GUCY1A2: variants seen among roughly 807,000 people sequenced by gnomAD.
GUCY1A2 encodes guanylate cyclase soluble subunit alpha-2.
Under a neutral mutation model 63.5 loss-of-function variants are expected in GUCY1A2, and 27 were observed. The observed-to-expected ratio is 0.43, with a 90% CI of 0.31 to 0.59. The LOEUF (loss-of-function observed/expected upper bound fraction) is 0.59. GUCY1A2 is among the 20% of genes least tolerant of loss of function. GUCY1A2 has a pLI of 0.11. For synonymous variants in GUCY1A2, 364 were observed against 343.5 expected, an observed-to-expected ratio of 1.06 and a Z score of -0.66; for missense variants, 768 against 913.3, an observed-to-expected ratio of 0.84 and a Z score of 2.05.
Position 106,714,629 on chromosome 11 carries a change from A to T in GUCY1A2, c.1837-5963T>A, listed in dbSNP as rs1322175455. Among the ~76,000 whole-genome samples the T allele has an allele frequency of 2.6e-5, 4 of 152,228 alleles. No homozygotes were observed. The East Asian group carries it at 7.7e-4, about 29-fold the overall frequency. On this transcript the variant is annotated intron_variant, in intron 6 of 7. Transcript: ENST00000526355. ...CAGTAATATTTGCATCCATCTGGCC[A>T]GTATGCTCTAGTTAAAGGAGATTAC...
chr11:106,843,596 A>G (rs549449493), intron 4 of GUCY1A2, among the ~76,000 whole-genome samples: 2 of 151,910 alleles, frequency 1.3e-5, no homozygotes, highest in Non-Finnish European at 2.9e-5. Flanking sequence ...TGGAGGAAAG[A>G]AAGTTTTCTA....
chr11:106,988,765 T>A (rs148961316), intron 1 of GUCY1A2, among the ~76,000 whole-genome samples: 278 of 152,322 alleles, frequency 1.8e-3, no homozygotes, highest in Admixed American at 3.2e-3. Context: ...ATCTCCTAAC[T>A]TCAGCAATCC....
chr11:106,762,591 A>G (rs1052553960), intron 6 of GUCY1A2, among the ~76,000 whole-genome samples: 1 of 152,128 alleles, frequency 6.6e-6, no homozygotes, highest in African/African-American at 2.4e-5. Flanking sequence ...TTTCTGGACT[A>G]AATGCTATTA....
At chr11:106,840,346 T>G (rs1859179340) in intron 4 of GUCY1A2, among the ~76,000 whole-genome samples, 1 of 151,962 alleles carries the variant, frequency 6.6e-6, no homozygotes, top group African/African-American at 2.4e-5. Flanking sequence ...ACAGTGATCT[T>G]ATGATGGGTT....
At chr11:106,687,859 G>A (rs1862556588) in intron 7 of GUCY1A2, 103 bp from the exon 8 acceptor site, 1 of 728,682 alleles carries the variant, frequency 1.4e-6, no homozygotes, top group Non-Finnish European at 2.4e-6. Flanking sequence ...GACTGTTCAT[G>A]GTAATACCTC....
intron 4 of GUCY1A2, among the ~76,000 whole-genome samples, chr11:106,868,197 T>C (rs536636897): frequency 3.4e-4 from 51 of 152,086 alleles, no homozygotes; most frequent in African/African-American, 1.2e-3. Context: ...AAAGGCAAGA[T>C]TGAGTAGGTG....
At chr11:106,799,727 T>A (rs1318287724) in intron 5 of GUCY1A2, among the ~76,000 whole-genome samples, 1 of 152,196 alleles carries the variant, frequency 6.6e-6, no homozygotes, top group Non-Finnish European at 1.5e-5. Flanking sequence ...TTACACCTTA[T>A]ACAGAAATTA....
At chr11:107,007,634 TA>T (rs992970244) in intron 1 of GUCY1A2, among the ~76,000 whole-genome samples, 2 of 152,146 alleles carry the variant, frequency 1.3e-5, no homozygotes, top group African/African-American at 4.8e-5. Flanking sequence ...AAACACCCAA[TA>T]ACACTTCTTC....
At chr11:106,706,656 CTTTTT>C (rs200165244) in intron 7 of GUCY1A2, among the ~76,000 whole-genome samples, 1 of 137,740 alleles carries the variant, frequency 7.3e-6, no homozygotes, top group East Asian at 2.1e-4. Context: ...TTTTACACAT[CTTTTT>C]TTTTTTTTTT....
At chr11:106,999,734 T>G (rs1861588379) in intron 1 of GUCY1A2, among the ~76,000 whole-genome samples, 1 of 152,208 alleles carries the variant, frequency 6.6e-6, no homozygotes, top group Non-Finnish European at 1.5e-5. Flanking sequence ...TCCAATTACA[T>G]GTCCAATGGA....
At chr11:106,836,272 T>C (rs750270519) in intron 4 of GUCY1A2, among the ~76,000 whole-genome samples, 2 of 151,960 alleles carry the variant, frequency 1.3e-5, no homozygotes, top group Non-Finnish European at 2.9e-5. Context: ...TCATAAACAG[T>C]TGATTAACAC....
chr11:106,742,037 C>A (rs142165334), intron 6 of GUCY1A2, among the ~76,000 whole-genome samples: 3 of 152,186 alleles, frequency 2.0e-5, no homozygotes, highest in Non-Finnish European at 4.4e-5. Context: ...CCCCACTATA[C>A]CTACTTAGTA....
intron 4 of GUCY1A2, among the ~76,000 whole-genome samples, chr11:106,810,941 C>T (rs1409831565): frequency 6.6e-6 from 1 of 151,832 alleles, no homozygotes; most frequent in Non-Finnish European, 1.5e-5. Context: ...AAGTAATTGG[C>T]CTTATGTAAA....
Position 107,000,468 on chromosome 11 carries a change from C to T in GUCY1A2, c.304-14337G>A, listed in dbSNP as rs78452776. Among the ~76,000 whole-genome samples, 1,499 of 152,320 alleles carry T rather than the reference C, an allele frequency of 9.8e-3. 27 individuals are homozygous for T. The highest frequency in any genetic ancestry group is 0.033 in the African/African-American group (1,381 of 41,566). On this transcript the variant is annotated intron_variant, in intron 1 of 7. Transcript: ENST00000526355. ...CTCCCTACAACAATGCCTTTGGAGGCATATTCTTTTGTTAAGGAAGTAAAA... is the reference window on the plus strand; with the variant it reads ...CTCCCTACAACAATGCCTTTGGAGGTATATTCTTTTGTTAAGGAAGTAAAA...
At chr11:106,863,028 C>T (rs1384775771) in intron 4 of GUCY1A2, among the ~76,000 whole-genome samples, 1 of 152,040 alleles carries the variant, frequency 6.6e-6, no homozygotes, top group Non-Finnish European at 1.5e-5. Context: ...GACTATGCTG[C>T]CCCCTCTCAC....
chr11:106,901,518 A>C (rs944745487), intron 4 of GUCY1A2, among the ~76,000 whole-genome samples: 4 of 152,178 alleles, frequency 2.6e-5, no homozygotes, highest in African/African-American at 9.7e-5. Flanking sequence ...TTATACTTTA[A>C]GTTCTAGTGT....
chr11:106,916,963 G>A (rs1428586074), intron 4 of GUCY1A2, among the ~76,000 whole-genome samples: 1 of 145,878 alleles, frequency 6.9e-6, no homozygotes, highest in Non-Finnish European at 1.5e-5. Flanking sequence ...AATCTATTAT[G>A]TAATTAAAAT....
intron 7 of GUCY1A2, among the ~76,000 whole-genome samples, chr11:106,690,325 G>C (rs1242408068): frequency 6.7e-6 from 1 of 148,204 alleles, no homozygotes; most frequent in Non-Finnish European, 1.5e-5. Context: ...ACGGACTATG[G>C]AATACTATGC....
intron 5 of GUCY1A2, among the ~76,000 whole-genome samples, chr11:106,796,744 T>C (rs1379785107): frequency 6.6e-6 from 1 of 152,114 alleles, no homozygotes; most frequent in Middle Eastern, 3.2e-3. Flanking sequence ...AATCTGACAA[T>C]TATGTGTTTT....
Sources: allele counts gnomAD v4.1 joint callset (sites outside exome capture counted in the v4.1 genomes callset), GRCh38; gene constraint gnomAD v4.1.1; transcripts MANE v1.5; gene names NCBI Gene and HGNC (gene_info 2026-07-23, HGNC 2026-07-21).